Variants in OPCML observed in about 807,000 individuals in gnomAD.
OPCML encodes the protein opioid-binding protein/cell adhesion molecule.
A neutral mutation model predicts 37.8 loss-of-function variants in OPCML; 13 were observed. The observed-to-expected ratio is 0.34, with a 90% confidence interval of 0.22 to 0.55. The LOEUF is 0.55. Among genes scored for constraint, OPCML ranks in the 20% least tolerant of loss-of-function variants. The pLI is 0.91. For missense variants in OPCML, 341 were observed against 435.6 expected, an observed-to-expected ratio of 0.78 and a Z score of 1.93; for synonymous variants, 176 against 168.8, an observed-to-expected ratio of 1.04 and a Z score of -0.33.
chr11:133,520,138 T>C (rs1292382125), intron 1 of OPCML, among the ~76,000 whole-genome samples: 2 of 152,168 alleles, frequency 1.3e-5, no homozygotes, highest in Non-Finnish European at 2.9e-5. Context: ...AGAGCTCCCC[T>C]GTCCTCCAGA....
intron 2 of OPCML, among the ~76,000 whole-genome samples, chr11:132,785,606 A>G (rs1947182397): frequency 6.6e-6 from 1 of 152,262 alleles, no homozygotes; most frequent in Non-Finnish European, 1.5e-5. Flanking sequence ...TATCTACAGG[A>G]TACCAAATCT....
intron 2 of OPCML, among the ~76,000 whole-genome samples, chr11:132,774,026 C>T (rs543061228): frequency 6.6e-6 from 1 of 152,198 alleles, no homozygotes; most frequent in African/African-American, 2.4e-5. Flanking sequence ...ATTTGACTTT[C>T]AAAAATTTCC....
chr11:132,741,173 C>T lies in OPCML; in HGVS notation c.147-83854G>A, dbSNP rs565573366. Among the ~76,000 whole-genome samples, 7 of 152,298 alleles carry T rather than the reference C, an allele frequency of 4.6e-5. No individual in the cohort carries two copies. In the South Asian group the frequency reaches 1.5e-3, roughly 32 times the overall value. On this transcript the variant is annotated intron_variant, in intron 2 of 7. Transcript: ENST00000524381. Reference sequence around the variant, plus strand: ...CTGACAGAACTTATCCTGTCTCATGCACTCACTTCCAAAGACTCTCAAATT... The same window carrying T: ...CTGACAGAACTTATCCTGTCTCATGTACTCACTTCCAAAGACTCTCAAATT...
chr11:132,420,079 C>A lies in OPCML; in HGVS notation c.*114G>T. The A allele has an allele frequency of 5.1e-6, 3 of 591,550 alleles. No homozygotes were observed. Among genetic ancestry groups the A allele is most frequent in the East Asian group, 5.5e-5 (1 of 18,170 alleles). 36.6% of individuals were successfully genotyped at this position (591,550 alleles called of 1,614,324 possible). ...AAACAAAAACAAAAAGAAAACAAAT[C>A]TAGAATAACAGAAAAAAACAAAAAG... On this transcript the variant is annotated 3_prime_UTR_variant, in exon 8 of 8. Transcript: ENST00000524381.
At chr11:133,047,486 G>C (rs903626115) in intron 1 of OPCML, among the ~76,000 whole-genome samples, 14 of 152,186 alleles carry the variant, frequency 9.2e-5, no homozygotes, top group African/African-American at 3.4e-4. Context: ...ATCCATTCCT[G>C]AATGCTTCTT....
intron 1 of OPCML, among the ~76,000 whole-genome samples, chr11:133,333,382 C>T (rs940587906): frequency 7.0e-6 from 1 of 142,782 alleles, no homozygotes; most frequent in African/African-American, 2.6e-5. Flanking sequence ...CAAAAACAAG[C>T]AATGGGAAAA....
intron 1 of OPCML, among the ~76,000 whole-genome samples, chr11:133,308,944 G>A (rs1016579236): frequency 1.3e-5 from 2 of 152,160 alleles, no homozygotes; most frequent in African/African-American, 2.4e-5. Context: ...TAACATCCAT[G>A]AGTTCACATT....
intron 1 of OPCML, among the ~76,000 whole-genome samples, chr11:133,356,748 C>T (rs187362959): frequency 4.6e-5 from 7 of 152,300 alleles, no homozygotes; most frequent in Admixed American, 2.0e-4. Flanking sequence ...TACAAATTCA[C>T]GGTGTCACAG....
intron 4 of OPCML, among the ~76,000 whole-genome samples, chr11:132,519,301 T>C (rs1173889687): frequency 6.6e-6 from 1 of 152,066 alleles, no homozygotes; most frequent in Non-Finnish European, 1.5e-5. Flanking sequence ...GAATCTACAT[T>C]TCTGAGACTT....
At chr11:133,191,470 G>A (rs1032639262) in intron 1 of OPCML, among the ~76,000 whole-genome samples, 3 of 151,510 alleles carry the variant, frequency 2.0e-5, no homozygotes, top group South Asian at 2.1e-4. Flanking sequence ...AAGAGTGAAA[G>A]TATTTCTGTA....
intron 1 of OPCML, among the ~76,000 whole-genome samples, chr11:133,330,933 A>G (rs1473043062): frequency 6.6e-6 from 1 of 152,202 alleles, no homozygotes; most frequent in Non-Finnish European, 1.5e-5. Flanking sequence ...CCGAAGTTCA[A>G]AGAAGTTAAT....
At position 133,005,740 on chromosome 11, in the gene OPCML, C is replaced by G. The variant is rs924954468; in HGVS notation, c.62-62730G>C. 34 of 978,250 alleles carry G rather than the reference C, an allele frequency of 3.5e-5. No individual in the cohort carries two copies. The East Asian group carries it at 9.1e-4, about 26-fold the overall frequency. 60.6% of individuals were successfully genotyped at this position (978,250 alleles called of 1,614,324 possible). A position where few individuals can be genotyped will look rare whatever the true frequency, so the allele number is the denominator to read the frequency against. Reference sequence around the variant, plus strand: ...TTTTCTGTTAATTCTTTTTAAAAAGCTTTTCTTTCTTTTTAAAAATTGAAT... The same window carrying G: ...TTTTCTGTTAATTCTTTTTAAAAAGGTTTTCTTTCTTTTTAAAAATTGAAT... On this transcript the variant is annotated intron_variant, in intron 1 of 7. Transcript: ENST00000524381.
intron 1 of OPCML, among the ~76,000 whole-genome samples, chr11:133,034,308 G>GGTGTGTGT (rs71038514): frequency 0.11 from 16,395 of 143,306 alleles, 939 homozygotes; most frequent in East Asian, 0.17. Flanking sequence ...TGTATGTATA[G>GGTGTGTGT]GTGTGTGTGT....
chr11:133,178,703 C>T (rs1328441990), intron 1 of OPCML, among the ~76,000 whole-genome samples: 2 of 152,032 alleles, frequency 1.3e-5, no homozygotes, highest in Non-Finnish European at 2.9e-5. Context: ...ATGGAGAGGC[C>T]AGGGTGCCAG....
Position 133,245,493 on chromosome 11 carries a change from C to A in OPCML, c.61+286771G>T, listed in dbSNP as rs1288622427. ...CTTTTGCCGTTGTTGTAGAATGAAACCTCATGAGCACCCAAAGCAGCCATT... is the reference window on the plus strand; with the variant it reads ...CTTTTGCCGTTGTTGTAGAATGAAAACTCATGAGCACCCAAAGCAGCCATT... On this transcript the variant is annotated intron_variant, in intron 1 of 7. Coordinates refer to ENST00000524381, the MANE Select transcript of OPCML (RefSeq NM_001012393.5). Among the ~76,000 whole-genome samples the A allele has an allele frequency of 2.6e-5, 4 of 152,090 alleles. No individual in the cohort carries two copies. The East Asian group carries it at 5.8e-4, about 22-fold the overall frequency.
chr11:132,863,725 C>T (rs912980159), intron 2 of OPCML, among the ~76,000 whole-genome samples: 16 of 152,148 alleles, frequency 1.1e-4, no homozygotes, highest in African/African-American at 3.4e-4. Context: ...GGCCATAAGA[C>T]GCCCACACCC....
intron 1 of OPCML, among the ~76,000 whole-genome samples, chr11:133,474,629 T>A (rs1947194898): frequency 6.6e-6 from 1 of 152,188 alleles, no homozygotes; most frequent in African/African-American, 2.4e-5. Context: ...AAGGTAGCCA[T>A]GATTCCTGGA....
At chr11:132,796,163 T>A (rs1938297682) in intron 2 of OPCML, among the ~76,000 whole-genome samples, 1 of 152,196 alleles carries the variant, frequency 6.6e-6, no homozygotes, top group Non-Finnish European at 1.5e-5. Context: ...TTCCCAGAGT[T>A]TGGTATCTGC....
At chr11:132,675,501 C>T (rs948948426) in intron 2 of OPCML, among the ~76,000 whole-genome samples, 8 of 151,904 alleles carry the variant, frequency 5.3e-5, no homozygotes, top group Non-Finnish European at 8.8e-5. Context: ...AAAAATATGT[C>T]TCTGCGAATG....
Sources: allele counts gnomAD v4.1 joint callset (sites outside exome capture counted in the v4.1 genomes callset), GRCh38; gene constraint gnomAD v4.1.1; transcripts MANE v1.5; gene names NCBI Gene and HGNC (gene_info 2026-07-23, HGNC 2026-07-21).